DGKI: variants seen among roughly 807,000 people sequenced by gnomAD.
The protein encoded by DGKI is DAG kinase iota.
DGKI carries 55 observed loss-of-function variants against 147.5 expected under a neutral mutation model. The ratio of observed to expected loss-of-function variants is 0.37; its 90% CI spans 0.30 to 0.47. The LOEUF (loss-of-function observed/expected upper bound fraction) is 0.47, where lower values mean the gene tolerates loss of function less well. DGKI is among the 20% of genes least tolerant of loss of function. The pLI is 1.00. For synonymous variants in DGKI, 469 were observed against 477.1 expected, an observed-to-expected ratio of 0.98 and a Z score of 0.22; for missense variants, 1,007 against 1,323.8, an observed-to-expected ratio of 0.76 and a Z score of 3.71.
chr7:137,667,753 G>C (rs1822691344), intron 3 of DGKI, among the ~76,000 whole-genome samples: 1 of 152,082 alleles, frequency 6.6e-6, no homozygotes, highest in Non-Finnish European at 1.5e-5. Context: ...ACATAATTAA[G>C]GCAGTCTTCC....
chr7:137,381,628 T>C lies in DGKI; in HGVS notation c.*9592A>G, dbSNP rs894978800. The C allele has an allele frequency of 1.3e-5, 2 of 152,022 alleles. No homozygotes were observed. The highest frequency in any genetic ancestry group is 4.8e-5 in the African/African-American group (2 of 41,382). The allele number at this position is 152,022 out of a possible 1,614,324, so 9.4% of individuals were successfully genotyped here. A position where few individuals can be genotyped will look rare whatever the true frequency, so the allele number is the denominator to read the frequency against. On this transcript the variant is annotated 3_prime_UTR_variant, in exon 33 of 33. Coordinates refer to ENST00000614521, the MANE Select transcript of DGKI (RefSeq NM_001321708.2). ...CATTCTTTTAGAACTGAGATTGTCC[T>C]CTATTCCTTAGTTTTTCACAAGAAT...
chr7:137,618,145 A>ATATATATATATATG (rs1222286147), intron 8 of DGKI, among the ~76,000 whole-genome samples: 1 of 12,220 alleles, frequency 8.2e-5, no homozygotes, highest in African/African-American at 2.4e-4. Context: ...ATATATATAT[A>ATATATATATATATG]TATATATTTT....
chr7:137,658,948 T>C (rs1563136408), intron 3 of DGKI, among the ~76,000 whole-genome samples: 2 of 152,218 alleles, frequency 1.3e-5, no homozygotes, highest in Non-Finnish European at 2.9e-5. Context: ...CTAAAACTGA[T>C]TTTAACTGAA....
chr7:137,685,035 C>A (rs1385298177), intron 2 of DGKI, among the ~76,000 whole-genome samples: 1 of 152,168 alleles, frequency 6.6e-6, no homozygotes, highest in African/African-American at 2.4e-5. Context: ...CCAGTTTAAA[C>A]CAATCCCACA....
chr7:137,828,337 A>G (rs927532034), intron 1 of DGKI, among the ~76,000 whole-genome samples: 1 of 152,216 alleles, frequency 6.6e-6, no homozygotes, highest in Non-Finnish European at 1.5e-5. Flanking sequence ...TTAGTATTCC[A>G]TATCTATTCT....
intron 27 of DGKI, among the ~76,000 whole-genome samples, chr7:137,447,680 C>G (rs1184374776): frequency 6.6e-6 from 1 of 152,196 alleles, no homozygotes; most frequent in Non-Finnish European, 1.5e-5. Flanking sequence ...AAATAAGTGG[C>G]AAGGGCCATT....
chr7:137,604,915 G>A (rs1167963157), intron 10 of DGKI, among the ~76,000 whole-genome samples: 1 of 152,152 alleles, frequency 6.6e-6, no homozygotes, highest in Non-Finnish European at 1.5e-5. Context: ...TAAGGGAGGG[G>A]ACGTATTTCT....
chr7:137,409,691 A>G (rs1169498838), intron 29 of DGKI, among the ~76,000 whole-genome samples: 1 of 152,184 alleles, frequency 6.6e-6, no homozygotes, highest in Non-Finnish European at 1.5e-5. Context: ...TCGACAAAGG[A>G]TAGCAGCATG....
intron 1 of DGKI, among the ~76,000 whole-genome samples, chr7:137,840,348 T>G (rs1053716127): frequency 6.6e-6 from 1 of 152,084 alleles, no homozygotes; most frequent in Non-Finnish European, 1.5e-5. Context: ...GTGGCTGGAG[T>G]GACCTCCGGC....
In DGKI at chr7:137,485,423, T is replaced by C. The variant is rs1487275960; in HGVS notation, c.2329-5A>G. The stretch of plus-strand genomic sequence containing the variant: ...AGAAGAAACTGACTGTAGGTCCTAA[T>C]GAGAAAATGAAAAAAAAAATCCATA... On this transcript the variant is annotated splice_region_variant and splice_polypyrimidine_tract_variant and intron_variant, in intron 22 of 32. Coordinates refer to ENST00000614521, the MANE Select transcript of DGKI (RefSeq NM_001321708.2). The C allele has an allele frequency of 1.2e-6, 2 of 1,601,750 alleles. No homozygotes were observed. The highest frequency in any genetic ancestry group is 1.1e-5 in the South Asian group (1 of 88,536).
chr7:137,697,488 G>C (rs368976761), intron 1 of DGKI, among the ~76,000 whole-genome samples: 1 of 152,162 alleles, frequency 6.6e-6, no homozygotes, highest in Non-Finnish European at 1.5e-5. Flanking sequence ...AGTCGGGAAA[G>C]AAATGCCTAA....
intron 17 of DGKI, among the ~76,000 whole-genome samples, chr7:137,576,414 ACTT>A (rs1818978405): frequency 6.6e-6 from 1 of 151,752 alleles, no homozygotes; most frequent in Non-Finnish European, 1.5e-5. Context: ...TATTCTCATC[ACTT>A]CTTTTCCATC....
At chr7:137,515,903 C>CT (rs1016692998) in intron 21 of DGKI, among the ~76,000 whole-genome samples, 1 of 151,930 alleles carries the variant, frequency 6.6e-6, no homozygotes, top group African/African-American at 2.4e-5. Flanking sequence ...GTAAAAGAAA[C>CT]TAAGCACGAA....
chr7:137,559,541 A>C (rs1338153646), intron 19 of DGKI, among the ~76,000 whole-genome samples: 3 of 152,198 alleles, frequency 2.0e-5, no homozygotes, highest in Non-Finnish European at 4.4e-5. Context: ...CAAATTAAAA[A>C]AAATAGTAGC....
At chr7:137,723,012 A>T (rs570486089) in intron 1 of DGKI, among the ~76,000 whole-genome samples, 1 of 152,190 alleles carries the variant, frequency 6.6e-6, no homozygotes, top group African/African-American at 2.4e-5. Context: ...TATTTTCCCC[A>T]TCTGTAAAAT....
At chr7:137,640,267 G>A (rs1047754852) in intron 6 of DGKI, among the ~76,000 whole-genome samples, 1 of 152,094 alleles carries the variant, frequency 6.6e-6, no homozygotes, top group African/African-American at 2.4e-5. Context: ...CCACTAGTAT[G>A]AGAAATCTAA....
chr7:137,507,498 A>G (rs7778843), intron 21 of DGKI, among the ~76,000 whole-genome samples: 3,596 of 152,316 alleles, frequency 0.024, 153 homozygotes, highest in African/African-American at 0.082. Flanking sequence ...CTTAAAAAAA[A>G]TCCTCTTAAA....
intron 1 of DGKI, among the ~76,000 whole-genome samples, chr7:137,818,237 T>A (rs1585529672): frequency 6.6e-6 from 1 of 152,344 alleles, no homozygotes; most frequent in Non-Finnish European, 1.5e-5. Flanking sequence ...TGTGATTCCA[T>A]TCCATAATAA....
chr7:137,397,372 C>T lies in DGKI; in HGVS notation c.2957+5G>A, dbSNP rs1266306177. The stretch of plus-strand genomic sequence containing the variant: ...CTAGACTATGTAATAAAAGGCAACA[C>T]TCACGTTTCACTGTCTGCCATATCC... On this transcript the variant is annotated splice_donor_5th_base_variant and intron_variant, in intron 31 of 32. Transcript: ENST00000614521. The T allele has an allele frequency of 1.2e-6, 2 of 1,612,986 alleles. No individual in the cohort carries two copies. The highest frequency in any genetic ancestry group is 1.3e-5 in the African/African-American group (1 of 74,890).
Sources: allele counts gnomAD v4.1 joint callset (sites outside exome capture counted in the v4.1 genomes callset), GRCh38; gene constraint gnomAD v4.1.1; transcripts MANE v1.5; gene names NCBI Gene and HGNC (gene_info 2026-07-23, HGNC 2026-07-21).